Variants in MCTP2 observed in about 807,000 individuals in gnomAD.
The protein encoded by MCTP2 is multiple C2 and transmembrane domain-containing protein 2.
In MCTP2, 132 loss-of-function variants were observed where a neutral mutation model predicts 111.6. That is an observed-to-expected ratio of 1.18 (90% CI 1.03 to 1.37). The LOEUF is 1.37. Among genes scored for constraint, MCTP2 ranks in the 40% most tolerant of loss-of-function variants. The probability of loss-of-function intolerance (pLI) is 0.00; values close to 1 mark genes in which losing one functional copy is unlikely to be tolerated. For synonymous variants in MCTP2, 395 were observed against 387.7 expected (o/e 1.02, Z -0.22); for missense variants, 1,183 against 1,067.9 (o/e 1.11, Z -1.50).
chr15:94,240,467 A>G (rs1026016320), intron 1 of MCTP2, among the ~76,000 whole-genome samples: 1 of 152,118 alleles, frequency 6.6e-6, no homozygotes, highest in African/African-American at 2.4e-5. Flanking sequence ...GGGTTTCAAG[A>G]CCCATTCCAA....
chr15:94,381,770 A>C (rs1009604892), intron 12 of MCTP2, among the ~76,000 whole-genome samples: 1 of 152,198 alleles, frequency 6.6e-6, no homozygotes, highest in Non-Finnish European at 1.5e-5. Context: ...CTTCTTGTTC[A>C]CAGTTGCTGA....
chr15:94,367,566 A>T, intron 10 of MCTP2, 39 bp from the exon 11 acceptor site: 1 of 1,545,228 alleles, frequency 6.5e-7, no homozygotes, highest in Non-Finnish European at 8.8e-7. Flanking sequence ...GCCTTGAATT[A>T]ATCACTTTTC....
At chr15:94,463,290 TTA>T (rs1268794868) in intron 20 of MCTP2, among the ~76,000 whole-genome samples, 1 of 152,214 alleles carries the variant, frequency 6.6e-6, no homozygotes, top group Non-Finnish European at 1.5e-5. Context: ...CATTATTATT[TTA>T]GAGTTTTCTG....
chr15:94,456,940 A>G (rs185575295), intron 19 of MCTP2, among the ~76,000 whole-genome samples: 22 of 152,342 alleles, frequency 1.4e-4, no homozygotes, highest in Admixed American at 1.4e-3. Context: ...CCCTATTGGT[A>G]GTGGGTTCTC....
intron 1 of MCTP2, among the ~76,000 whole-genome samples, chr15:94,256,583 A>G (rs1055832569): frequency 1.3e-5 from 2 of 152,184 alleles, no homozygotes; most frequent in Non-Finnish European, 2.9e-5. Context: ...GGCTATTTTG[A>G]TGTCATGAGT....
chr15:94,469,135 A>G (rs566933472), intron 20 of MCTP2, among the ~76,000 whole-genome samples: 1 of 152,302 alleles, frequency 6.6e-6, no homozygotes, highest in African/African-American at 2.4e-5. Context: ...ACTTTGTGGT[A>G]TTCCCTCTAA....
chr15:94,300,611 G>A (rs1460100631), intron 2 of MCTP2, among the ~76,000 whole-genome samples: 1 of 152,080 alleles, frequency 6.6e-6, no homozygotes, highest in Non-Finnish European at 1.5e-5. Context: ...TGGAAATAGA[G>A]ATGGGTAAGA....
intron 14 of MCTP2, among the ~76,000 whole-genome samples, chr15:94,397,672 C>A (rs2081349409): frequency 6.6e-6 from 1 of 152,158 alleles, no homozygotes; most frequent in Admixed American, 6.5e-5. Flanking sequence ...AGGAAGATGA[C>A]CTCTCCCTTG....
chr15:94,245,538 A>G (rs962962779), intron 1 of MCTP2, among the ~76,000 whole-genome samples: 1 of 142,864 alleles, frequency 7.0e-6, no homozygotes, highest in East Asian at 2.0e-4. Flanking sequence ...ATATACATAC[A>G]TGTATATATT....
At chr15:94,386,959 C>T (rs1201486470) in intron 14 of MCTP2, among the ~76,000 whole-genome samples, 2 of 152,120 alleles carry the variant, frequency 1.3e-5, no homozygotes, top group Non-Finnish European at 2.9e-5. Context: ...CTTCTTCCCT[C>T]CTTGTAGCCA....
intron 1 of MCTP2, among the ~76,000 whole-genome samples, chr15:94,245,285 C>CAT (rs543216441): frequency 7.2e-6 from 1 of 138,234 alleles, no homozygotes; most frequent in African/African-American, 2.7e-5. Context: ...CGTATATACA[C>CAT]ATATGTATAT....
At chr15:94,314,692 T>C in intron 3 of MCTP2, 1 of 489,176 alleles carries the variant, frequency 2.0e-6, no homozygotes, top group Non-Finnish European at 4.0e-6. Context: ...AATAAGTGAA[T>C]GATAAATGAT....
chr15:94,310,875 G>A (rs949233330), intron 2 of MCTP2, among the ~76,000 whole-genome samples: 1 of 151,802 alleles, frequency 6.6e-6, no homozygotes, highest in African/African-American at 2.4e-5. Context: ...CCAGGAGGTC[G>A]AGGCTGCAGT....
intron 1 of MCTP2, among the ~76,000 whole-genome samples, chr15:94,271,239 T>C (rs1474340101): frequency 6.6e-6 from 1 of 152,218 alleles, no homozygotes; most frequent in Non-Finnish European, 1.5e-5. Context: ...ACAATTTTGA[T>C]AAGCTTTGCA....
chr15:94,481,924 G>C lies in MCTP2; in HGVS notation c.*2890G>C, dbSNP rs1596892926. 1 of 152,124 alleles carries C rather than the reference G, an allele frequency of 6.6e-6. No homozygotes were observed. The highest frequency in any genetic ancestry group is 1.5e-5 in the Non-Finnish European group (1 of 68,014). 9.4% of individuals were successfully genotyped at this position (152,124 alleles called of 1,614,324 possible). On this transcript the variant is annotated 3_prime_UTR_variant, in exon 23 of 23. Coordinates refer to ENST00000357742, the MANE Select transcript of MCTP2 (RefSeq NM_001385001.1). The stretch of plus-strand genomic sequence containing the variant: ...GATCTATCCTGGAGATTCATTTCTT[G>C]CATTAAGAGCTTATTTTGTGTGATA...
intron 21 of MCTP2, 173 bp from the exon 22 acceptor site, chr15:94,476,523 A>G: frequency 2.1e-6 from 1 of 484,752 alleles, no homozygotes; most frequent in Non-Finnish European, 3.7e-6. Flanking sequence ...TTTCACACTA[A>G]TTTTTACTTG....
intron 12 of MCTP2, among the ~76,000 whole-genome samples, chr15:94,379,606 T>C (rs1179628099): frequency 6.6e-6 from 1 of 151,544 alleles, no homozygotes; most frequent in Non-Finnish European, 1.5e-5. Context: ...CTGGTCATGG[T>C]CTTCAAGCCA....
chr15:94,391,438 G>T (rs2080970569), intron 14 of MCTP2, among the ~76,000 whole-genome samples: 1 of 152,130 alleles, frequency 6.6e-6, no homozygotes, highest in South Asian at 2.1e-4. Flanking sequence ...TGTTGCCAAG[G>T]TTTGGTTTTC....
chr15:94,362,272 T>C (rs1156833643), intron 10 of MCTP2, among the ~76,000 whole-genome samples: 1 of 152,166 alleles, frequency 6.6e-6, no homozygotes, highest in Non-Finnish European at 1.5e-5. Flanking sequence ...TATAGAGTAA[T>C]ATAGATTATT....
Sources: gnomAD v4.1 joint callset for allele counts (sites outside exome capture counted in the v4.1 genomes callset) on GRCh38, gnomAD v4.1.1 for gene constraint, MANE v1.5 for transcripts, NCBI Gene and HGNC (gene_info 2026-07-23, HGNC 2026-07-21) for gene names.